The following TMEM236 variants were observed in gnomAD, a reference collection of about 807,000 sequenced individuals.
TMEM236 encodes transmembrane protein 236.
In TMEM236, 11 loss-of-function variants were observed where a neutral mutation model predicts 14.7. The observed-to-expected ratio is 0.75, with a 90% CI of 0.47 to 1.24. The LOEUF is 1.24. Among genes scored for constraint, TMEM236 ranks in the 50% most tolerant of loss-of-function variants. TMEM236 has a pLI of 0.00. For synonymous variants in TMEM236, 182 were observed against 168.6 expected (o/e 1.08, Z -0.62); for missense variants, 464 against 427.3 (o/e 1.09, Z -0.76).
intron 3 of TMEM236, among the ~76,000 whole-genome samples, chr10:17,791,647 C>T (rs1024658754): frequency 6.6e-6 from 1 of 152,154 alleles, no homozygotes; most frequent in Non-Finnish European, 1.5e-5. Flanking sequence ...TTCCTGCTAG[C>T]TGAAGGATAT....
intron 1 of TMEM236, among the ~76,000 whole-genome samples, chr10:17,756,832 T>G (rs932827027): frequency 6.6e-6 from 1 of 152,182 alleles, no homozygotes; most frequent in Non-Finnish European, 1.5e-5. Context: ...GAGTAGGCTT[T>G]TGTTTCTGCC....
chr10:17,756,358 G>A (rs1368403961), intron 1 of TMEM236, among the ~76,000 whole-genome samples: 2 of 151,982 alleles, frequency 1.3e-5, no homozygotes, highest in African/African-American at 4.8e-5. Flanking sequence ...GTGCAGAGGA[G>A]CGATCTAGGC....
chr10:17,764,537 C>G (rs975094835), intron 1 of TMEM236, among the ~76,000 whole-genome samples: 1 of 152,140 alleles, frequency 6.6e-6, no homozygotes, highest in South Asian at 2.1e-4. Context: ...ACTGCTATAA[C>G]AAAGTATCAC....
At chr10:17,756,543 G>A (rs1049976686) in intron 1 of TMEM236, among the ~76,000 whole-genome samples, 5 of 152,236 alleles carry the variant, frequency 3.3e-5, no homozygotes, top group African/African-American at 7.2e-5. Context: ...TGATCTGCCC[G>A]CCTCAGCCTC....
chr10:17,756,162 G>A (rs1028604885), intron 1 of TMEM236, among the ~76,000 whole-genome samples: 1 of 152,216 alleles, frequency 6.6e-6, no homozygotes, highest in African/African-American at 2.4e-5. Flanking sequence ...AGCTATTCAA[G>A]AGGTTGGCTT....
chr10:17,781,475 C>T (rs1301291578), intron 3 of TMEM236, among the ~76,000 whole-genome samples: 4 of 151,904 alleles, frequency 2.6e-5, no homozygotes, highest in African/African-American at 4.8e-5. Context: ...TGGTGGCTCA[C>T]GCCTGTAATC....
At chr10:17,762,574 CATAT>C (rs878958449) in intron 1 of TMEM236, among the ~76,000 whole-genome samples, 2,000 of 52,824 alleles carry the variant, frequency 0.038, 57 homozygotes, top group Non-Finnish European at 0.052. Flanking sequence ...ATCTGAATTT[CATAT>C]ATATATATAT....
intron 1 of TMEM236, 44 bp downstream of exon 1, chr10:17,752,596 T>C: frequency 6.3e-7 from 1 of 1,592,770 alleles, no homozygotes; most frequent in Non-Finnish European, 8.6e-7. Context: ...ATTTGGAGTC[T>C]CGCTCTGTCA....
intron 1 of TMEM236, among the ~76,000 whole-genome samples, chr10:17,766,167 C>G (rs1029004715): frequency 1.3e-5 from 2 of 152,192 alleles, no homozygotes; most frequent in Admixed American, 6.5e-5. Flanking sequence ...CAACTTATCT[C>G]TCTTTCTTCA....
chr10:17,767,771 T>C (rs1317058857), intron 1 of TMEM236, among the ~76,000 whole-genome samples: 3 of 152,330 alleles, frequency 2.0e-5, no homozygotes, highest in Admixed American at 1.3e-4. Context: ...CTTTATTACA[T>C]AGAGCTTTTC....
At chr10:17,787,257 T>C (rs1837852686) in intron 3 of TMEM236, among the ~76,000 whole-genome samples, 1 of 152,366 alleles carries the variant, frequency 6.6e-6, no homozygotes, top group East Asian at 1.9e-4. Flanking sequence ...CAGACAGCGC[T>C]GGCACCCTCT....
At chr10:17,769,240 A>G (rs1837528910) in intron 1 of TMEM236, among the ~76,000 whole-genome samples, 2 of 152,238 alleles carry the variant, frequency 1.3e-5, no homozygotes, top group African/African-American at 2.4e-5. Flanking sequence ...TGGTGTTGGC[A>G]GAAAAGGAGT....
intron 1 of TMEM236, among the ~76,000 whole-genome samples, chr10:17,769,871 T>G (rs1420421727): frequency 3.3e-5 from 5 of 152,222 alleles, no homozygotes; most frequent in African/African-American, 9.6e-5. Flanking sequence ...GAGGTACATG[T>G]GCATGTTCGT....
chr10:17,794,741 A>G (rs1837983212), intron 3 of TMEM236, among the ~76,000 whole-genome samples: 1 of 152,182 alleles, frequency 6.6e-6, no homozygotes, highest in African/African-American at 2.4e-5. Context: ...CTAGTGGTCA[A>G]ACAGATTCCT....
At chr10:17,781,687 A>C (rs957606533) in intron 3 of TMEM236, among the ~76,000 whole-genome samples, 13 of 147,976 alleles carry the variant, frequency 8.8e-5, no homozygotes, top group African/African-American at 3.2e-4. Flanking sequence ...CGGAGATTGC[A>C]GTGAGCTGAG....
chr10:17,788,469 G>A (rs1457306348), intron 3 of TMEM236, among the ~76,000 whole-genome samples: 12 of 151,278 alleles, frequency 7.9e-5, no homozygotes, highest in African/African-American at 2.9e-4. Flanking sequence ...CCATCCAGTG[G>A]GCTGGGCATG....
chr10:17,753,366 C>T (rs1008208084), intron 1 of TMEM236, among the ~76,000 whole-genome samples: 1 of 152,116 alleles, frequency 6.6e-6, no homozygotes, highest in Non-Finnish European at 1.5e-5. Flanking sequence ...AGCCTAGTAC[C>T]TATTAGTTGT....
intron 3 of TMEM236, among the ~76,000 whole-genome samples, chr10:17,793,538 C>T (rs1485453841): frequency 3.3e-5 from 5 of 152,110 alleles, no homozygotes; most frequent in Admixed American, 6.6e-5. Flanking sequence ...GGCTGGAGTG[C>T]AGTGGTGCGA....
chr10:17,762,255 A>G lies in TMEM236; in HGVS notation c.258-9054A>G, dbSNP rs927792167. 3.0e-4 allele frequency among the ~76,000 whole-genome samples: 46 copies of G among 152,050 alleles called. 1 individual carries two copies. Among genetic ancestry groups the G allele is most frequent in the South Asian group, 4.2e-4 (2 of 4,804 alleles). Reference sequence around the variant, plus strand: ...AGTCTGCTAAGTTTTCTCTTCTCCAATGGGCAGAGTTCCATCAACCATTCC... The same window carrying G: ...AGTCTGCTAAGTTTTCTCTTCTCCAGTGGGCAGAGTTCCATCAACCATTCC... On this transcript the variant is annotated intron_variant, in intron 1 of 3. Transcript: ENST00000377495.
Sources: allele counts gnomAD v4.1 joint callset (sites outside exome capture counted in the v4.1 genomes callset), GRCh38; gene constraint gnomAD v4.1.1; transcripts MANE v1.5; gene names NCBI Gene and HGNC (gene_info 2026-07-23, HGNC 2026-07-21).